The following ADGRB1 variants were observed in gnomAD, a reference collection of about 807,000 sequenced individuals.
ADGRB1 encodes the protein adhesion G protein-coupled receptor B1, also known as brain-specific angiogenesis inhibitor 1.
In ADGRB1, 36 loss-of-function variants were observed where a neutral mutation model predicts 175.7. The observed-to-expected ratio is 0.20, with a 90% CI of 0.16 to 0.27. ADGRB1 has a LOEUF of 0.27. Among genes scored for constraint, ADGRB1 ranks in the 10% least tolerant of loss-of-function variants. ADGRB1 has a pLI of 1.00. For synonymous variants in ADGRB1, 1,054 were observed against 979.4 expected (o/e 1.08, Z -1.42); for missense variants, 1,731 against 2,255.3 (o/e 0.77, Z 4.71).
rs754989763 is a variant in ADGRB1, at chr8:142,542,603, A to C, written c.4369A>C (p.Thr1457Pro). 6.5e-7 allele frequency: 1 copy of C among 1,548,866 alleles called. No homozygotes were observed. Among genetic ancestry groups the C allele is most frequent in the Non-Finnish European group, 8.7e-7 (1 of 1,147,304 alleles). The change falls in exon 28 of 31, where the codon ACC becomes CCC. Residue 1457 changes from threonine (T) to proline (P), a missense_variant. This residue lies in a region of ADGRB1 where 394 missense variants were observed against 410.2 expected (regional missense o/e 0.96). Transcript: ENST00000517894. The surrounding 1 kb of genome is among the most constrained non-coding windows in gnomAD (Gnocchi z 6.3). ...TCCGGGACCCAGCACGGGGCCCAGCACCAAGAACGAGAATGTCGCCACCTT... is the reference window on the plus strand; with the variant it reads ...TCCGGGACCCAGCACGGGGCCCAGCCCCAAGAACGAGAATGTCGCCACCTT... ...AHPGPSTGPS[T>P]KNENVATLSV... is the part of the protein sequence containing the mutation.
chr8:142,461,099 G>A (rs1839946845), intron 1 of ADGRB1, among the ~76,000 whole-genome samples: 4 of 152,200 alleles, frequency 2.6e-5, no homozygotes, highest in African/African-American at 4.8e-5. Flanking sequence ...TCAAGGGCCC[G>A]GGGACAGTGG....
In ADGRB1 at chr8:142,521,876, G is replaced by A. The variant is rs572991567; in HGVS notation, c.3025-89G>A. 8 of 1,467,082 alleles carry A rather than the reference G, an allele frequency of 5.5e-6. No individual in the cohort carries two copies. The African/African-American group carries it at 9.7e-5, about 18-fold the overall frequency. 90.9% of individuals were successfully genotyped at this position (1,467,082 alleles called of 1,614,324 possible). A position where few individuals can be genotyped will look rare whatever the true frequency, so the allele number is the denominator to read the frequency against. On this transcript the variant is annotated intron_variant, in intron 20 of 30. Coordinates refer to ENST00000517894, the MANE Select transcript of ADGRB1 (RefSeq NM_001702.3). ...GTCCCAGTGAGGGTGCTGGGTGCTG[G>A]GCTGCCAGCTGCAGACAGGCACTCA...
Position 142,450,047 on chromosome 8 carries a change from G to A in ADGRB1, c.-277G>A, listed in dbSNP as rs1479044507. The A allele has an allele frequency of 6.7e-6, 1 of 150,222 alleles. No homozygotes were observed. Among genetic ancestry groups the A allele is most frequent in the Non-Finnish European group, 1.5e-5 (1 of 67,060 alleles). 9.3% of individuals were successfully genotyped at this position (150,222 alleles called of 1,614,324 possible). ...CCGCCGGCGACGCGAGGCGCTCGCG[G>A]GGATTTGCAACTCGCCGGATCGAGT... is the stretch of plus-strand genomic sequence containing the variant. On this transcript the variant is annotated 5_prime_UTR_variant, in exon 1 of 31. Transcript: ENST00000517894.
In ADGRB1 at chr8:142,496,605, T is replaced by G. The variant is rs115713979; in HGVS notation, c.2675+5790T>G. On this transcript the variant is annotated intron_variant, in intron 17 of 30. Coordinates refer to ENST00000517894, the MANE Select transcript of ADGRB1 (RefSeq NM_001702.3). ...CAAATATCTTTCAGTCTTTTAAAACTGCTTTAAAAAATGTAAATAACCCAG... is the reference window on the plus strand; with the variant it reads ...CAAATATCTTTCAGTCTTTTAAAACGGCTTTAAAAAATGTAAATAACCCAG... 5.6e-3 allele frequency among the ~76,000 whole-genome samples: 849 copies of G among 152,334 alleles called. 7 individuals carry two copies. The highest frequency in any genetic ancestry group is 0.02 in the African/African-American group (817 of 41,564).
At chr8:142,488,897 C>A in intron 14 of ADGRB1, 138 bp from the exon 15 acceptor site, 1 of 1,093,334 alleles carries the variant, frequency 9.1e-7, no homozygotes, top group Non-Finnish European at 1.3e-6. Context: ...GGGTGGGCCT[C>A]ACCATCCGCC....
intron 13 of ADGRB1, among the ~76,000 whole-genome samples, chr8:142,486,892 C>T (rs982264995): frequency 2.6e-5 from 4 of 152,082 alleles, no homozygotes; most frequent in Non-Finnish European, 5.9e-5. Context: ...CATGGTGGTG[C>T]ACCTTTAGTC....
At position 142,464,080 on chromosome 8, in the gene ADGRB1, T is replaced by G; in HGVS notation, c.-119T>G. On this transcript the variant is annotated 5_prime_UTR_variant, in exon 2 of 31. Coordinates refer to ENST00000517894, the MANE Select transcript of ADGRB1 (RefSeq NM_001702.3). ...GCGGGGCCCTCTCCCATCCCACCCT[T>G]GCCCCGCCTCCCTGCCCCCACCGGG... 8 of 617,010 alleles carry G rather than the reference T, an allele frequency of 1.3e-5. No homozygotes were observed. The highest frequency in any genetic ancestry group is 1.5e-5 in the Non-Finnish European group (7 of 457,908). The allele number at this position is 617,010 out of a possible 1,614,324, so 38.2% of individuals were successfully genotyped here.
At position 142,490,062 on chromosome 8, in the gene ADGRB1, C is replaced by T. The variant is rs542449757; in HGVS notation, c.2631+624C>T. On this transcript the variant is annotated intron_variant, in intron 16 of 30. Transcript: ENST00000517894. ...CCAGGGAACACGTTGCCTGGGTTAC[C>T]GCACCAGGACTGGGCAGTGCCAGGC... Among the ~76,000 whole-genome samples the T allele has an allele frequency of 5.3e-5, 8 of 152,290 alleles. No individual in the cohort carries two copies. In the South Asian group the frequency reaches 1.0e-3, roughly 20 times the overall value.
intron 24 of ADGRB1, among the ~76,000 whole-genome samples, chr8:142,531,056 T>C (rs568445867): frequency 9.2e-5 from 14 of 152,314 alleles, no homozygotes; most frequent in Admixed American, 4.6e-4. Flanking sequence ...TGCACCACTG[T>C]ATCCCCTGAC....
At chr8:142,514,604 A>G (rs1333864629) in intron 18 of ADGRB1, among the ~76,000 whole-genome samples, 2 of 152,198 alleles carry the variant, frequency 1.3e-5, no homozygotes, top group Non-Finnish European at 2.9e-5. Context: ...GGTTGTGACC[A>G]GGGTCACAGT....
At chr8:142,523,027 GC>G (rs1843940632) in intron 22 of ADGRB1, among the ~76,000 whole-genome samples, 1 of 152,230 alleles carries the variant, frequency 6.6e-6, no homozygotes, top group African/African-American at 2.4e-5. Flanking sequence ...TCGGTGGGGA[GC>G]CCCCCTCTGT....
In ADGRB1 at chr8:142,544,273, C is replaced by T. The variant is rs901662638; in HGVS notation, c.4611C>T (p.Ala1537=). ...NKRPWESLRK[A]HGTPTWVKKE... ...GGCCCTGGGAGAGCCTCCGGAAAGC[C>T]CACGGGACGCCCACGTGGGTGAAGA... Residue 1537 remains alanine, a synonymous_variant, in exon 31 of 31, where the codon GCC becomes GCT. Transcript: ENST00000517894. 8 of 1,549,236 alleles carry T rather than the reference C, an allele frequency of 5.2e-6. No homozygotes were observed. In the African/African-American group the frequency reaches 1.1e-4, roughly 21 times the overall value.
chr8:142,493,888 G>A lies in ADGRB1; in HGVS notation c.2675+3073G>A, dbSNP rs187276951. Among the ~76,000 whole-genome samples the A allele has an allele frequency of 3.5e-4, 53 of 152,280 alleles. No individual in the cohort carries two copies. In the East Asian group the frequency reaches 5.0e-3, roughly 14 times the overall value. On this transcript the variant is annotated intron_variant, in intron 17 of 30. Transcript: ENST00000517894. This position sits in a 1 kb window ranked among gnomAD's most constrained non-coding sequence, Gnocchi z 5.0. Reference sequence around the variant, plus strand: ...TTGACTGCTGCAGGGGCCACTCCTCGCCCTGTGAACTGTCTCCGGGGAGCT... The same window carrying A: ...TTGACTGCTGCAGGGGCCACTCCTCACCCTGTGAACTGTCTCCGGGGAGCT...
intron 1 of ADGRB1, among the ~76,000 whole-genome samples, chr8:142,457,730 G>A (rs905784281): frequency 6.6e-6 from 1 of 152,150 alleles, no homozygotes; most frequent in Non-Finnish European, 1.5e-5. Context: ...TCACCCTGTC[G>A]GGGGGAGGCT....
intron 24 of ADGRB1, among the ~76,000 whole-genome samples, chr8:142,527,577 C>T (rs558279999): frequency 1.3e-5 from 2 of 152,018 alleles, no homozygotes; most frequent in African/African-American, 2.4e-5. Context: ...GTGGGAGTCG[C>T]GGTGCTTTGT....
At chr8:142,541,780 C>T (rs1261673628) in intron 27 of ADGRB1, among the ~76,000 whole-genome samples, 161 bp from the exon 28 acceptor site, 1 of 152,176 alleles carries the variant, frequency 6.6e-6, no homozygotes, top group African/African-American at 2.4e-5. Context: ...AGGGTGGTAC[C>T]TGCAGTTGGC....
chr8:142,481,220 G>A lies in ADGRB1; in HGVS notation c.1829-34G>A, dbSNP rs747134374. The A allele has an allele frequency of 2.6e-5, 42 of 1,593,016 alleles. 1 individual carries two copies. In the South Asian group the frequency reaches 3.1e-4, roughly 12 times the overall value. ...GGGTGGGATTCCTGGGCCAGGCAGC[G>A]GGCATCCACCTGAGAAGGGGATGGT... is the stretch of plus-strand genomic sequence containing the variant. On this transcript the variant is annotated intron_variant, in intron 9 of 30. Coordinates refer to ENST00000517894, the MANE Select transcript of ADGRB1 (RefSeq NM_001702.3).
intron 1 of ADGRB1, among the ~76,000 whole-genome samples, chr8:142,459,237 C>T (rs187709926): frequency 3.0e-4 from 46 of 152,312 alleles, no homozygotes; most frequent in African/African-American, 6.7e-4. Context: ...AGGCATCTGA[C>T]GGAGAAGCAC....
Position 142,475,539 on chromosome 8 carries a change from C to G in ADGRB1, c.850C>G (p.Arg284Gly). The change falls in exon 3 of 31, where the codon CGG becomes GGG. Residue 284 changes from arginine to glycine, a missense_variant. Coordinates refer to ENST00000517894, the MANE Select transcript of ADGRB1 (RefSeq NM_001702.3). ...TRDCGGGLQT[R>G]TRTCLPAPGV... ...GGACTGCGGGGGAGGCCTCCAGACG[C>G]GGACGCGCACCTGCCTGCCCGCGCC... 7.8e-7 allele frequency: 1 copy of G among 1,288,992 alleles called. No individual in the cohort carries two copies. Among genetic ancestry groups the G allele is most frequent in the Admixed American group, 3.1e-5 (1 of 31,782 alleles). 79.8% of individuals were successfully genotyped at this position (1,288,992 alleles called of 1,614,324 possible). A position where few individuals can be genotyped will look rare whatever the true frequency, so the allele number is the denominator to read the frequency against.
Sources: allele counts gnomAD v4.1 joint callset (sites outside exome capture counted in the v4.1 genomes callset), GRCh38; gene constraint gnomAD v4.1.1; regional missense constraint gnomAD v4.1.1; non-coding constraint Gnocchi (gnomAD v3.1); transcripts MANE v1.5; gene names NCBI Gene and HGNC (gene_info 2026-07-23, HGNC 2026-07-21).